Variants in GJB7 observed in about 807,000 individuals in gnomAD.
The protein encoded by GJB7 is gap junction protein beta 7, also known as gap junction beta-7 protein.
For missense variants in GJB7, 253 were observed against 256.8 expected (o/e 0.99, Z 0.10); for synonymous variants, 87 against 95.2 (o/e 0.91, Z 0.50).
rs778067782 is a variant in GJB7, at chr6:87,284,804, T to C, written c.109A>G (p.Met37Val). ...TTCCACACGTGCTCTGCTGCCACCA[T>C]GTAGACCAGCAAACGGAAGACAAAC... ...VVFVFRLLVY[M>V]VAAEHVWKDE... The change falls in exon 3 of 3, where the codon ATG (methionine) becomes GTG (valine). Residue 37 changes from methionine (M) to valine (V), a missense_variant. Physicochemically the swap from Met to Val is conservative, Grantham distance 21. Coordinates refer to ENST00000525899, the MANE Select transcript of GJB7 (RefSeq NM_198568.3). 15 of 1,614,080 alleles carry C rather than the reference T, an allele frequency of 9.3e-6. No homozygotes were observed. The Admixed American group carries it at 1.7e-4, about 18-fold the overall frequency.
At chr6:87,294,790 G>A (rs143977266) in intron 2 of GJB7, among the ~76,000 whole-genome samples, 181 of 152,298 alleles carry the variant, frequency 1.2e-3, no homozygotes, top group African/African-American at 4.3e-3. Context: ...GGCAAGGTAC[G>A]GGGGAGTTAC....
At chr6:87,302,615 T>C (rs1055504190) in intron 2 of GJB7, among the ~76,000 whole-genome samples, 1 of 152,214 alleles carries the variant, frequency 6.6e-6, no homozygotes. Context: ...CAGGATATTA[T>C]GCAGGAGAAC....
chr6:87,316,400 A>G (rs910596357), intron 2 of GJB7, among the ~76,000 whole-genome samples: 1 of 152,204 alleles, frequency 6.6e-6, no homozygotes, highest in African/African-American at 2.4e-5. Flanking sequence ...CTCCCAGAGA[A>G]TACAATTCCT....
At chr6:87,301,443 G>C (rs139079290) in intron 2 of GJB7, among the ~76,000 whole-genome samples, 3,375 of 152,276 alleles carry the variant, frequency 0.022, 121 homozygotes, top group African/African-American at 0.077. Context: ...TAGCACAGCA[G>C]TCTGAGATTA....
At chr6:87,286,951 T>C (rs1776071107) in intron 2 of GJB7, among the ~76,000 whole-genome samples, 1 of 152,192 alleles carries the variant, frequency 6.6e-6, no homozygotes, top group Admixed American at 6.5e-5. Flanking sequence ...CATACACATT[T>C]TGGGCTGATT....
chr6:87,284,589 T>G lies in GJB7; in HGVS notation c.324A>C (p.Lys108Asn). The change falls in exon 3 of 3, where the codon AAA becomes AAC. Residue 108 changes from lysine (K) to asparagine (N), a missense_variant. Lys to Asn is a moderately conservative substitution (Grantham distance 94, BLOSUM62 0). Transcript: ENST00000525899. ...HEGREKRHRK[K>N]LYVSPGTMDG... is the part of the protein sequence containing the mutation. ...CCATTGTACCTGGGCTGACATAGAG[T>G]TTCTTTCTGTGCCTTTTCTCTCTAC... The G allele has an allele frequency of 6.2e-7, 1 of 1,614,002 alleles. No individual in the cohort carries two copies. The highest frequency in any genetic ancestry group is 8.5e-7 in the Non-Finnish European group (1 of 1,179,978).
At chr6:87,301,996 C>T (rs75016466) in intron 2 of GJB7, among the ~76,000 whole-genome samples, 4 of 152,202 alleles carry the variant, frequency 2.6e-5, no homozygotes, top group African/African-American at 9.7e-5. Context: ...AACTAACAAA[C>T]ACAAAGGACA....
At chr6:87,298,795 G>T (rs753548425) in intron 2 of GJB7, 2 of 286,556 alleles carry the variant, frequency 7.0e-6, no homozygotes, top group Non-Finnish European at 1.4e-5. Context: ...CCACAGTCTT[G>T]CCAGATGAGA....
rs549329585 is a variant in GJB7 at position 87,324,354 on chromosome 6, T to G, written c.-205-1311A>C. Among the ~76,000 whole-genome samples the G allele has an allele frequency of 3.3e-5, 5 of 152,316 alleles. No homozygotes were observed. In the East Asian group the frequency reaches 9.6e-4, roughly 29 times the overall value. ...CATGAAGTCCTTGCCCATGCCTATG[T>G]CCTGAATGGTAATGCTTAGGTTTTC... On this transcript the variant is annotated intron_variant, in intron 1 of 2. Coordinates refer to ENST00000525899, the MANE Select transcript of GJB7 (RefSeq NM_198568.3).
intron 2 of GJB7, chr6:87,299,020 T>G (rs1363451185): frequency 8.0e-6 from 4 of 498,556 alleles, no homozygotes; most frequent in Admixed American, 2.1e-5. Context: ...ATGTAAAGGA[T>G]AAACATAAAA....
intron 2 of GJB7, among the ~76,000 whole-genome samples, chr6:87,294,789 C>T (rs187166250): frequency 1.3e-4 from 20 of 152,244 alleles, no homozygotes; most frequent in East Asian, 3.9e-4. Flanking sequence ...AGGCAAGGTA[C>T]GGGGGAGTTA....
intron 2 of GJB7, among the ~76,000 whole-genome samples, chr6:87,308,228 G>C (rs893078497): frequency 1.3e-5 from 2 of 150,056 alleles, no homozygotes; most frequent in Non-Finnish European, 3.0e-5. Context: ...GCCTGACATG[G>C]GGTCGGGGGA....
At chr6:87,295,990 C>G (rs1212220443) in intron 2 of GJB7, among the ~76,000 whole-genome samples, 2 of 152,206 alleles carry the variant, frequency 1.3e-5, no homozygotes, top group African/African-American at 4.8e-5. Context: ...GCCTCCAGCC[C>G]TAATTAGTTT....
Position 87,316,147 on chromosome 6 carries a change from T to C in GJB7, c.-28+6719A>G, listed in dbSNP as rs977257682. On this transcript the variant is annotated intron_variant, in intron 2 of 2. Coordinates refer to ENST00000525899, the MANE Select transcript of GJB7 (RefSeq NM_198568.3). ...CTGTTCTCAATTTCTTCTGTATACATGAGCTGATGCGCAGATATCTTCCCT... is the reference window on the plus strand; with the variant it reads ...CTGTTCTCAATTTCTTCTGTATACACGAGCTGATGCGCAGATATCTTCCCT... Among the ~76,000 whole-genome samples, 20 of 152,292 alleles carry C rather than the reference T, an allele frequency of 1.3e-4. No homozygotes were observed. The East Asian group carries it at 3.7e-3, about 28-fold the overall frequency.
chr6:87,303,064 G>A (rs938908158), intron 2 of GJB7, among the ~76,000 whole-genome samples: 2 of 152,202 alleles, frequency 1.3e-5, no homozygotes, highest in African/African-American at 2.4e-5. Context: ...ACCAGCCACT[G>A]CAAAAACATG....
chr6:87,284,574 TG>T lies in GJB7; in HGVS notation c.338del (p.Pro113GlnfsTer43), dbSNP rs1182658600. 1.2e-6 allele frequency: 2 copies of T among 1,614,070 alleles called. No individual in the cohort carries two copies. Among genetic ancestry groups the T allele is most frequent in the Non-Finnish European group, 1.7e-6 (2 of 1,180,026 alleles). On this transcript the variant is annotated frameshift_variant, in exon 3 of 3. Coordinates refer to ENST00000525899, the MANE Select transcript of GJB7 (RefSeq NM_198568.3). LOFTEE classifies it low-confidence loss of function (END_TRUNC). ...ACCATAGGCCCCCATCCATTGTACC[TG>T]GGCTGACATAGAGTTTCTTTCTGTG... Reference protein sequence around the residue: ...KRHRKKLYVSPGTMDGGLWYA... With the variant: ...KRHRKKLYVSXGTMDGGLWYA...
chr6:87,307,936 T>C (rs1776456272), intron 2 of GJB7, among the ~76,000 whole-genome samples: 1 of 152,208 alleles, frequency 6.6e-6, no homozygotes, highest in East Asian at 1.9e-4. Flanking sequence ...CGTATGTTTA[T>C]TGCAGCACTA....
At chr6:87,287,592 C>T (rs1776083918) in intron 2 of GJB7, among the ~76,000 whole-genome samples, 1 of 152,136 alleles carries the variant, frequency 6.6e-6, no homozygotes, top group African/African-American at 2.4e-5. Context: ...ATTCTTAAGC[C>T]TACCGGAAAG....
chr6:87,292,349 A>C (rs1465459125), intron 2 of GJB7, among the ~76,000 whole-genome samples: 1 of 152,258 alleles, frequency 6.6e-6, no homozygotes, highest in Non-Finnish European at 1.5e-5. Flanking sequence ...TAACAATTTA[A>C]GTTAATTTAT....
Sources: gnomAD v4.1 joint callset for allele counts (sites outside exome capture counted in the v4.1 genomes callset) on GRCh38, gnomAD v4.1.1 for gene constraint, MANE v1.5 for transcripts, NCBI Gene and HGNC (gene_info 2026-07-23, HGNC 2026-07-21) for gene names.